The following BTBD1 variants were observed in gnomAD, a reference collection of about 807,000 sequenced individuals.
BTBD1 encodes BTB domain containing 1.
A neutral mutation model predicts 48.0 loss-of-function variants in BTBD1; 34 were observed. That is an observed-to-expected ratio of 0.71 (90% CI 0.54 to 0.94). The LOEUF (loss-of-function observed/expected upper bound fraction) is 0.94, where lower values mean the gene tolerates loss of function less well. BTBD1 is among the 40% of genes least tolerant of loss of function. The pLI, the probability that BTBD1 is intolerant of heterozygous loss-of-function variation, is 0.00. For missense variants in BTBD1, 543 were observed against 625.6 expected (o/e 0.87, Z 1.41); for synonymous variants, 261 against 242.1 (o/e 1.08, Z -0.72).
At chr15:83,050,430 TTGTGTGTGTGTGTGTGTG>T (rs71927319) in intron 2 of BTBD1, among the ~76,000 whole-genome samples, 6 of 146,252 alleles carry the variant, frequency 4.1e-5, no homozygotes, top group African/African-American at 1.3e-4. Context: ...TTTTATGTGC[TTGTGTGTGTGTGTGTGTG>T]TGTGTGTGTG....
At position 83,042,443 on chromosome 15, in the gene BTBD1, GCA is replaced by G. The variant is rs943741028; in HGVS notation, c.665-520_665-519del. On this transcript the variant is annotated intron_variant, in intron 3 of 7. Transcript: ENST00000261721. ...CTGTTGCTCAGGCTGGAGTGCAGAG[GCA>G]CAATCTCGGCTCAATGCAACCTCTG... Among the ~76,000 whole-genome samples, 7 of 148,168 alleles carry G rather than the reference GCA, an allele frequency of 4.7e-5. No homozygotes were observed. In the Admixed American group the frequency reaches 4.8e-4, roughly 10 times the overall value.
intron 4 of BTBD1, among the ~76,000 whole-genome samples, chr15:83,031,440 A>C (rs1447841175): frequency 6.6e-6 from 1 of 152,212 alleles, no homozygotes; most frequent in African/African-American, 2.4e-5. Context: ...ATGGAATACT[A>C]TGCAGCCATA....
intron 6 of BTBD1, 145 bp downstream of exon 6, chr15:83,020,528 CAG>C (rs577497846): frequency 1.5e-4 from 88 of 578,556 alleles, no homozygotes; most frequent in African/African-American, 1.1e-3. Context: ...AACTCTAAAA[CAG>C]AACTCTTTAT....
chr15:83,043,350 G>A (rs916292268), intron 3 of BTBD1, among the ~76,000 whole-genome samples: 1 of 152,164 alleles, frequency 6.6e-6, no homozygotes, highest in African/African-American at 2.4e-5. Context: ...GAGCAGGAGG[G>A]AAGAGTAGCA....
chr15:83,033,435 TTAAAAA>T (rs1234536193), intron 4 of BTBD1, among the ~76,000 whole-genome samples: 1 of 152,110 alleles, frequency 6.6e-6, no homozygotes, highest in African/African-American at 2.4e-5. Context: ...ATTATTGACT[TTAAAAA>T]TAATGTTTTG....
Position 83,066,908 on chromosome 15 carries a change from C to T in BTBD1, c.244G>A (p.Ala82Thr), listed in dbSNP as rs937445917. The T allele has an allele frequency of 5.3e-6, 8 of 1,519,848 alleles. No individual in the cohort carries two copies. Among genetic ancestry groups the T allele is most frequent in the Non-Finnish European group, 7.0e-6 (8 of 1,139,146 alleles). The allele number at this position is 1,519,848 out of a possible 1,614,324, so 94.1% of individuals were successfully genotyped here. Residue 82 changes from alanine (A) to threonine (T), a missense_variant, in exon 1 of 8, where the codon GCC becomes ACC. Ala to Thr is a moderately conservative substitution (Grantham distance 58). Transcript: ENST00000261721. ...RFVLGKGRGA[A>T]AAGGPQRIPA... Reference sequence around the variant, plus strand: ...ATGCGCTGCGGGCCCCCAGCGGCGGCGGCGCCGCGACCCTTGCCCAGTACG... The same window carrying T: ...ATGCGCTGCGGGCCCCCAGCGGCGGTGGCGCCGCGACCCTTGCCCAGTACG...
chr15:83,037,821 G>A (rs751191657), intron 4 of BTBD1, among the ~76,000 whole-genome samples: 8 of 152,158 alleles, frequency 5.3e-5, no homozygotes, highest in African/African-American at 1.2e-4. Flanking sequence ...GGTGGCTCAC[G>A]CCTGTAATCC....
intron 3 of BTBD1, among the ~76,000 whole-genome samples, chr15:83,044,144 C>T (rs929385163): frequency 1.3e-5 from 2 of 152,164 alleles, no homozygotes; most frequent in African/African-American, 2.4e-5. Flanking sequence ...CAACACTTCA[C>T]AGACCTGAGG....
intron 1 of BTBD1, among the ~76,000 whole-genome samples, chr15:83,062,172 A>ACTT (rs10633729): frequency 0.42 from 63,031 of 151,858 alleles, 13,590 homozygotes; most frequent in Middle Eastern, 0.52. Flanking sequence ...AAGTGTTTAA[A>ACTT]CATCCTGTAG....
chr15:83,041,151 C>CA (rs1421565416), intron 4 of BTBD1, among the ~76,000 whole-genome samples: 8 of 69,198 alleles, frequency 1.2e-4, no homozygotes, highest in African/African-American at 4.4e-4. Context: ...GACTCTGTCT[C>CA]AAAAAAAGAA....
At chr15:83,035,585 G>GA (rs148788541) in intron 4 of BTBD1, among the ~76,000 whole-genome samples, 1 of 151,806 alleles carries the variant, frequency 6.6e-6, no homozygotes, top group East Asian at 1.9e-4. Context: ...GATGCTGAGA[G>GA]AAAAAATATA....
In BTBD1 at chr15:83,019,268, GC is replaced by G. The variant is rs2032237525; in HGVS notation, c.1144-416del. On this transcript the variant is annotated intron_variant, in intron 6 of 7. Coordinates refer to ENST00000261721, the MANE Select transcript of BTBD1 (RefSeq NM_025238.4). Reference sequence around the variant, plus strand: ...GTAGAGACAGGGTTTCATCATGTTGGCCAGGCTGATCTCCAACTCTTGGTCT... The same window carrying G: ...GTAGAGACAGGGTTTCATCATGTTGGCAGGCTGATCTCCAACTCTTGGTCT... 2.6e-5 allele frequency among the ~76,000 whole-genome samples: 4 copies of G among 152,068 alleles called. No individual in the cohort carries two copies. The South Asian group carries it at 8.3e-4, about 32-fold the overall frequency.
intron 4 of BTBD1, 105 bp from the exon 5 acceptor site, chr15:83,030,433 T>A: frequency 4.3e-6 from 4 of 919,712 alleles, no homozygotes; most frequent in Non-Finnish European, 6.7e-6. Flanking sequence ...AACATAAAAA[T>A]AGGGGAAAAA....
At chr15:83,066,693 T>A in intron 1 of BTBD1, 58 bp downstream of exon 1, 1 of 1,217,374 alleles carries the variant, frequency 8.2e-7, no homozygotes, top group South Asian at 2.9e-5. Flanking sequence ...CCCGGGGATC[T>A]CCCAGCCCGG....
At chr15:83,020,942 T>A in intron 5 of BTBD1, 180 bp from the exon 6 acceptor site, 1 of 491,942 alleles carries the variant, frequency 2.0e-6, no homozygotes, top group Admixed American at 3.8e-5. Flanking sequence ...AGAGCAGATT[T>A]GAACTTAAGA....
At chr15:83,018,661 CA>C (rs1321312710) in intron 7 of BTBD1, 45 bp downstream of exon 7, 1 of 1,594,298 alleles carries the variant, frequency 6.3e-7, no homozygotes. Flanking sequence ...ACACATTCTG[CA>C]ACATTCAAGA....
intron 4 of BTBD1, among the ~76,000 whole-genome samples, chr15:83,032,560 A>C (rs2151303421): frequency 6.6e-6 from 1 of 152,310 alleles, no homozygotes; most frequent in South Asian, 2.1e-4. Context: ...AAATGGAACG[A>C]AACAAAGGCT....
chr15:83,052,783 A>G (rs1229971372), intron 2 of BTBD1, among the ~76,000 whole-genome samples: 2 of 119,020 alleles, frequency 1.7e-5, no homozygotes, highest in African/African-American at 6.6e-5. Context: ...GGCGCCCACC[A>G]CCTCGCCCGG....
intron 4 of BTBD1, 28 bp downstream of exon 4, chr15:83,041,700 A>G (rs1255943077): frequency 6.2e-7 from 1 of 1,605,926 alleles, no homozygotes; most frequent in Non-Finnish European, 8.5e-7. Flanking sequence ...ACAGTTTCAA[A>G]TAGATTTTGG....
Sources: gnomAD v4.1 joint callset for allele counts (sites outside exome capture counted in the v4.1 genomes callset) on GRCh38, gnomAD v4.1.1 for gene constraint, MANE v1.5 for transcripts, NCBI Gene and HGNC (gene_info 2026-07-23, HGNC 2026-07-21) for gene names.